The following TYW1B variants were observed in gnomAD, a reference collection of about 807,000 sequenced individuals.
The protein encoded by TYW1B is S-adenosyl-L-methionine-dependent tRNA 4-demethylwyosine synthase TYW1B.
A neutral mutation model predicts 86.9 loss-of-function variants in TYW1B; 73 were observed. The observed-to-expected ratio is 0.84, with a 90% CI of 0.70 to 1.02. The LOEUF is 1.02. Among genes scored for constraint, TYW1B ranks in the 50% least tolerant of loss-of-function variants. The pLI, the probability that TYW1B is intolerant of heterozygous loss-of-function variation, is 0.00. For synonymous variants in TYW1B, 248 were observed against 292.8 expected, an observed-to-expected ratio of 0.85 and a Z score of 1.56; for missense variants, 637 against 827.4, an observed-to-expected ratio of 0.77 and a Z score of 2.82.
chr7:72,724,357 C>T (rs78488765), intron 9 of TYW1B, among the ~76,000 whole-genome samples: 2,005 of 152,156 alleles, frequency 0.013, 50 homozygotes, highest in African/African-American at 0.045. Flanking sequence ...TCTGTAGTTC[C>T]GGCTACTTGG....
intron 7 of TYW1B, among the ~76,000 whole-genome samples, chr7:72,772,557 T>C (rs1481683598): frequency 6.6e-6 from 1 of 152,052 alleles, no homozygotes; most frequent in African/African-American, 2.4e-5. Context: ...CTATAACCTG[T>C]CATTTCAAAT....
At chr7:72,707,676 C>T (rs1814645680) in intron 10 of TYW1B, among the ~76,000 whole-genome samples, 1 of 152,238 alleles carries the variant, frequency 6.6e-6, no homozygotes, top group African/African-American at 2.4e-5. Context: ...ACAGCATCCA[C>T]AACAAATACC....
In TYW1B at chr7:72,744,907, A is replaced by G. The variant is rs116129346; in HGVS notation, c.965-306T>C. On this transcript the variant is annotated intron_variant, in intron 7 of 13. Transcript: ENST00000620995. ...AAATAATATTAGTACAATAGTATAT[A>G]ATGCTAGGAAACAGATAAAACAGAC... Among the ~76,000 whole-genome samples the G allele has an allele frequency of 4.0e-3, 610 of 152,366 alleles. 3 individuals carry two copies. Among genetic ancestry groups the G allele is most frequent in the African/African-American group, 0.014 (579 of 41,588 alleles).
At chr7:72,668,986 C>G (rs181916827) in intron 11 of TYW1B, among the ~76,000 whole-genome samples, 1 of 152,122 alleles carries the variant, frequency 6.6e-6, no homozygotes, top group Non-Finnish European at 1.5e-5. Context: ...ACTATATCCC[C>G]CTGCCTAGCA....
chr7:72,621,718 A>G (rs1356568252), intron 12 of TYW1B, among the ~76,000 whole-genome samples: 1 of 152,244 alleles, frequency 6.6e-6, no homozygotes, highest in Non-Finnish European at 1.5e-5. Flanking sequence ...AATCTATGCT[A>G]AATGATCAAA....
intron 13 of TYW1B, among the ~76,000 whole-genome samples, chr7:72,579,983 A>G (rs181051710): frequency 6.8e-4 from 103 of 152,248 alleles, no homozygotes; most frequent in Admixed American, 5.3e-3. Flanking sequence ...CACTGATCCT[A>G]TTAGATCAGG....
At chr7:72,703,041 T>TTGAGATGGAGTC (rs1814525924) in intron 10 of TYW1B, among the ~76,000 whole-genome samples, 3 of 141,666 alleles carry the variant, frequency 2.1e-5, no homozygotes, top group Non-Finnish European at 4.6e-5. Flanking sequence ...TTTTTTTTTT[T>TTGAGATGGAGTC]TGAGATGGAG....
chr7:72,775,269 A>C (rs1183416961), intron 7 of TYW1B, among the ~76,000 whole-genome samples: 1 of 152,104 alleles, frequency 6.6e-6, no homozygotes, highest in Non-Finnish European at 1.5e-5. Flanking sequence ...AATGGCCAAA[A>C]TTTGTCCGAA....
chr7:72,727,960 C>A (rs1183671326), intron 9 of TYW1B, among the ~76,000 whole-genome samples: 4 of 152,070 alleles, frequency 2.6e-5, no homozygotes, highest in Non-Finnish European at 5.9e-5. Context: ...GAACCCGTAA[C>A]CTCCAGTGAA....
intron 13 of TYW1B, among the ~76,000 whole-genome samples, chr7:72,588,995 T>C (rs1277273066): frequency 6.6e-6 from 1 of 152,076 alleles, no homozygotes; most frequent in Non-Finnish European, 1.5e-5. Flanking sequence ...ATATTTTCAG[T>C]AAAGATGGGG....
chr7:72,628,801 T>C, intron 12 of TYW1B, 86 bp downstream of exon 12: 7 of 1,035,606 alleles, frequency 6.8e-6, no homozygotes, highest in Non-Finnish European at 8.4e-6. Context: ...TCTAGAGTTT[T>C]ACAAGGTTTT....
At chr7:72,804,358 C>A (rs1788458141) in intron 5 of TYW1B, among the ~76,000 whole-genome samples, 1 of 151,732 alleles carries the variant, frequency 6.6e-6, no homozygotes, top group South Asian at 2.1e-4. Flanking sequence ...CCAATATGCC[C>A]CACAGTATAG....
chr7:72,718,901 C>A (rs1342887139), intron 9 of TYW1B, among the ~76,000 whole-genome samples: 2 of 152,026 alleles, frequency 1.3e-5, no homozygotes, highest in African/African-American at 4.8e-5. Flanking sequence ...TCAGATGCAC[C>A]GGGTTCACAC....
chr7:72,762,200 G>A (rs1352581466), intron 7 of TYW1B, among the ~76,000 whole-genome samples: 3 of 152,086 alleles, frequency 2.0e-5, no homozygotes, highest in African/African-American at 7.2e-5. Context: ...TTCCTGAGAT[G>A]TAATTAATTT....
At chr7:72,776,918 A>G (rs1554470672) in intron 7 of TYW1B, among the ~76,000 whole-genome samples, 1 of 152,066 alleles carries the variant, frequency 6.6e-6, no homozygotes, top group Non-Finnish European at 1.5e-5. Flanking sequence ...GTCACGTAAA[A>G]GGCCTCTCAT....
At chr7:72,801,163 T>A (rs1788397828) in intron 6 of TYW1B, among the ~76,000 whole-genome samples, 1 of 152,038 alleles carries the variant, frequency 6.6e-6, no homozygotes, top group Admixed American at 6.6e-5. Context: ...ATCCCGTCTC[T>A]ACTAAAAATA....
intron 5 of TYW1B, among the ~76,000 whole-genome samples, chr7:72,806,616 CAT>C (rs1788499778): frequency 6.6e-6 from 1 of 151,924 alleles, no homozygotes; most frequent in Non-Finnish European, 1.5e-5. Flanking sequence ...AACACCACCA[CAT>C]GAGTTTCACA....
rs542181684 is a variant in TYW1B at position 72,739,106 on chromosome 7, T to A, written c.1082+5378A>T. Among the ~76,000 whole-genome samples, 27 of 152,188 alleles carry A rather than the reference T, an allele frequency of 1.8e-4. No homozygotes were observed. In the East Asian group the frequency reaches 4.6e-3, roughly 26 times the overall value. On this transcript the variant is annotated intron_variant, in intron 8 of 13. Transcript: ENST00000620995. ...GGATGATAGTATTGTGGCTATATTA[T>A]TTTTTAACAGATCTTATTATTTACA...
intron 10 of TYW1B, among the ~76,000 whole-genome samples, chr7:72,703,433 T>G (rs1408055286): frequency 2.0e-5 from 3 of 152,206 alleles, no homozygotes; most frequent in Admixed American, 1.3e-4. Context: ...TATTGGTTTC[T>G]AGTTTAATTC....
Sources: allele counts gnomAD v4.1 joint callset (sites outside exome capture counted in the v4.1 genomes callset), GRCh38; gene constraint gnomAD v4.1.1; transcripts MANE v1.5; gene names NCBI Gene and HGNC (gene_info 2026-07-23, HGNC 2026-07-21).